DNAI2: variants seen among roughly 807,000 people sequenced by gnomAD.
The protein encoded by DNAI2 is dynein, axonemal, intermediate polypeptide 2.
In DNAI2, 63 loss-of-function variants were observed where a neutral mutation model predicts 74.7. The ratio of observed to expected loss-of-function variants is 0.84; its 90% confidence interval spans 0.69 to 1.04. The LOEUF is 1.04. Ranked by LOEUF, DNAI2 falls within the 50% of genes least tolerant of loss-of-function variation. The pLI is 0.00. For synonymous variants in DNAI2, 289 were observed against 314.9 expected, an observed-to-expected ratio of 0.92 and a Z score of 0.87; for missense variants, 688 against 803.2, an observed-to-expected ratio of 0.86 and a Z score of 1.73.
chr17:74,283,186 G>GT (rs1347254441), intron 2 of DNAI2, among the ~76,000 whole-genome samples: 1 of 152,260 alleles, frequency 6.6e-6, no homozygotes, highest in Non-Finnish European at 1.5e-5. Context: ...CCTGGGTGAT[G>GT]TAAGAGTTTT....
chr17:74,280,473 C>T (rs540397562), intron 1 of DNAI2, among the ~76,000 whole-genome samples: 1 of 152,316 alleles, frequency 6.6e-6, no homozygotes, highest in South Asian at 2.1e-4. Context: ...TCCCAAAGGC[C>T]TCCATGTCCC....
chr17:74,286,293 CTCAAAATAATAATAATAA>C (rs2051723252), intron 3 of DNAI2, among the ~76,000 whole-genome samples: 1 of 62,162 alleles, frequency 1.6e-5, no homozygotes, highest in African/African-American at 4.3e-5. Context: ...AAGACTGTGT[CTCAAAATAATAATAATAA>C]TAATAATAAT....
chr17:74,308,438 G>C lies in DNAI2; in HGVS notation c.1212-815G>C, dbSNP rs952934654. ...TCCGTGAGTCCCAGGGCTGGGACCAGGTCCAGCAACACGTGCCTGCTGCCT... is the reference window on the plus strand; with the variant it reads ...TCCGTGAGTCCCAGGGCTGGGACCACGTCCAGCAACACGTGCCTGCTGCCT... On this transcript the variant is annotated intron_variant, in intron 9 of 13. Transcript: ENST00000311014. Among the ~76,000 whole-genome samples the C allele has an allele frequency of 6.6e-5, 10 of 152,306 alleles. No homozygotes were observed. The East Asian group carries it at 1.7e-3, about 26-fold the overall frequency.
Position 74,303,647 on chromosome 17 carries a change from C to T in DNAI2, c.988-1572C>T, listed in dbSNP as rs1173946210. On this transcript the variant is annotated intron_variant, in intron 8 of 13. Transcript: ENST00000311014. ...TCTCACTCTTGCCCAGGCTGGAGTG[C>T]AGTGACATGATCTTGGCTCGCTGCA... Among the ~76,000 whole-genome samples the T allele has an allele frequency of 7.4e-5, 11 of 148,018 alleles. No individual in the cohort carries two copies. In the East Asian group the frequency reaches 2.0e-3, roughly 26 times the overall value.
intron 2 of DNAI2, among the ~76,000 whole-genome samples, chr17:74,282,737 A>G (rs1451069355): frequency 6.6e-6 from 1 of 152,248 alleles, no homozygotes; most frequent in African/African-American, 2.4e-5. Context: ...GGTCATGGTC[A>G]TGTGTTCAGA....
At chr17:74,309,954 A>T (rs2053417069) in intron 10 of DNAI2, 63 bp from the exon 11 acceptor site, 3 of 1,589,568 alleles carry the variant, frequency 1.9e-6, no homozygotes, top group Non-Finnish European at 2.6e-6. Flanking sequence ...GGGGCCAGTT[A>T]ATCAGACACA....
At chr17:74,278,952 G>A (rs952272977) in intron 1 of DNAI2, among the ~76,000 whole-genome samples, 4 of 152,236 alleles carry the variant, frequency 2.6e-5, no homozygotes, top group African/African-American at 9.6e-5. Flanking sequence ...TGGATCATGA[G>A]GTCAGGAGAT....
chr17:74,277,697 A>T (rs2051180826), intron 1 of DNAI2, among the ~76,000 whole-genome samples: 1 of 152,184 alleles, frequency 6.6e-6, no homozygotes, highest in African/African-American at 2.4e-5. Context: ...GGGAGAGGGT[A>T]GGTAAGACAC....
chr17:74,311,337 G>T (rs2053512389), intron 11 of DNAI2, among the ~76,000 whole-genome samples: 1 of 152,192 alleles, frequency 6.6e-6, no homozygotes, highest in African/African-American at 2.4e-5. Context: ...GCTAGGGCCG[G>T]GTGTGGTGGC....
chr17:74,298,376 C>T (rs544685208), intron 6 of DNAI2, among the ~76,000 whole-genome samples: 6 of 152,346 alleles, frequency 3.9e-5, no homozygotes, highest in African/African-American at 1.2e-4. Flanking sequence ...ATGATCTCAG[C>T]TCACTGCAAC....
intron 8 of DNAI2, 61 bp downstream of exon 8, chr17:74,301,229 C>A: frequency 6.2e-7 from 1 of 1,606,700 alleles, no homozygotes; most frequent in East Asian, 2.2e-5. Flanking sequence ...GGGCTAAAGA[C>A]AGGCCATTGC....
chr17:74,301,144 C>G lies in DNAI2; in HGVS notation c.963C>G (p.Ile321Met). 6.2e-7 allele frequency: 1 copy of G among 1,614,024 alleles called. No homozygotes were observed. The highest frequency in any genetic ancestry group is 1.1e-5 in the South Asian group (1 of 91,064). The change falls in exon 8 of 14, where the codon ATC becomes ATG. Residue 321 changes from isoleucine to methionine, a missense_variant. Physicochemically the swap from Ile to Met is conservative, Grantham distance 10. Coordinates refer to ENST00000311014, the MANE Select transcript of DNAI2 (RefSeq NM_023036.6). Reference protein sequence around the residue: ...KEQLENALGAISLEFESTLPT... With the variant: ...KEQLENALGAMSLEFESTLPT... ...AGTTGGAAAATGCCTTGGGGGCCAT[C>G]TCCCTGGAGTTCGAATCTACTTTGG...
chr17:74,283,716 C>A lies in DNAI2; in HGVS notation c.184-1324C>A, dbSNP rs939872501. 3.4e-4 allele frequency among the ~76,000 whole-genome samples: 51 copies of A among 152,172 alleles called. 1 individual carries two copies. ...CTCAGGAGTTTGACACCAGCCTGGG[C>A]AACATGGCGAAACACCGTCTCTACA... On this transcript the variant is annotated intron_variant, in intron 2 of 13. Transcript: ENST00000311014.
chr17:74,284,985 G>T, intron 2 of DNAI2, 55 bp from the exon 3 acceptor site: 1 of 1,611,858 alleles, frequency 6.2e-7, no homozygotes, highest in East Asian at 2.2e-5. Context: ...AGAAGTGGCC[G>T]AGGGTTTGGG....
intron 6 of DNAI2, among the ~76,000 whole-genome samples, chr17:74,296,326 A>AGAGAGAGAGGAGAGAGAGG: frequency 1.4e-5 from 1 of 73,516 alleles, no homozygotes; most frequent in Non-Finnish European, 4.4e-5. Flanking sequence ...AGAGAGAGAG[A>AGAGAGAGAGGAGAGAGAGG]GAGAGAGGAG....
At chr17:74,286,297 A>AAAAAATAATAAT (rs2051724486) in intron 3 of DNAI2, among the ~76,000 whole-genome samples, 1 of 140,682 alleles carries the variant, frequency 7.1e-6, no homozygotes, top group African/African-American at 2.6e-5. Context: ...CTGTGTCTCA[A>AAAAAATAATAAT]AATAATAATA....
intron 8 of DNAI2, among the ~76,000 whole-genome samples, chr17:74,304,170 T>C (rs1026364653): frequency 1.3e-5 from 2 of 149,100 alleles, no homozygotes; most frequent in African/African-American, 4.9e-5. Flanking sequence ...TCTTTTCTTT[T>C]TTCTTTTTCT....
chr17:74,276,670 A>G (rs554643876), intron 1 of DNAI2, among the ~76,000 whole-genome samples: 2 of 152,308 alleles, frequency 1.3e-5, no homozygotes, highest in Admixed American at 1.3e-4. Flanking sequence ...ACACAAGACA[A>G]TGCCTCTGTT....
At chr17:74,297,117 G>A (rs55909647) in intron 6 of DNAI2, among the ~76,000 whole-genome samples, 32,390 of 152,064 alleles carry the variant, frequency 0.21, 3,824 homozygotes, top group Non-Finnish European at 0.27. Flanking sequence ...ACAGAGTCTC[G>A]CTGTGTCACC....
Sources: gnomAD v4.1 joint callset for allele counts (sites outside exome capture counted in the v4.1 genomes callset) on GRCh38, gnomAD v4.1.1 for gene constraint, MANE v1.5 for transcripts, NCBI Gene and HGNC (gene_info 2026-07-23, HGNC 2026-07-21) for gene names.